Variants in SP4 observed in about 807,000 individuals in gnomAD.
The protein encoded by SP4 is Sp4 transcription factor.
SP4 carries 19 observed loss-of-function variants against 72.8 expected under a neutral mutation model. That is an observed-to-expected ratio of 0.26 (90% CI 0.18 to 0.38). The LOEUF (loss-of-function observed/expected upper bound fraction) is 0.38. SP4 is among the 10% of genes least tolerant of loss of function. The probability of loss-of-function intolerance (pLI) is 1.00; values close to 1 mark genes in which losing one functional copy is unlikely to be tolerated. For synonymous variants in SP4, 395 were observed against 333.1 expected (o/e 1.19, Z -2.02); for missense variants, 1,008 against 926.3 (o/e 1.09, Z -1.14).
intron 5 of SP4, among the ~76,000 whole-genome samples, chr7:21,499,565 C>T (rs1781814604): frequency 6.6e-6 from 1 of 152,182 alleles, no homozygotes; most frequent in Non-Finnish European, 1.5e-5. Context: ...AAGGACTCTT[C>T]TCTAGAGTCC....
At chr7:21,489,536 G>C (rs1679707280) in intron 5 of SP4, among the ~76,000 whole-genome samples, 1 of 143,626 alleles carries the variant, frequency 7.0e-6, no homozygotes, top group Non-Finnish European at 1.5e-5. Context: ...GCCCAGGCTG[G>C]TCTTTTTTTC....
chr7:21,494,784 T>C (rs1229047399), intron 5 of SP4, among the ~76,000 whole-genome samples: 1 of 152,152 alleles, frequency 6.6e-6, no homozygotes, highest in Non-Finnish European at 1.5e-5. Flanking sequence ...GATTCTAAAA[T>C]TATATGAAAG....
At chr7:21,485,319 A>T (rs1330202918) in intron 5 of SP4, among the ~76,000 whole-genome samples, 1 of 151,906 alleles carries the variant, frequency 6.6e-6, no homozygotes, top group African/African-American at 2.4e-5. Flanking sequence ...GAAAATAGTG[A>T]TCTGTTTGCT....
intron 5 of SP4, 129 bp downstream of exon 5, chr7:21,482,252 A>T: frequency 1.5e-6 from 1 of 680,268 alleles, no homozygotes; most frequent in Non-Finnish European, 2.5e-6. Flanking sequence ...TAGCAATTAT[A>T]TGGAAGATGT....
intron 5 of SP4, among the ~76,000 whole-genome samples, chr7:21,502,042 C>G (rs1015090652): frequency 7.2e-5 from 3 of 41,810 alleles, no homozygotes; most frequent in South Asian, 1.4e-3. Flanking sequence ...CATTAGGCAC[C>G]CCCCCCCCCC....
At position 21,430,345 on chromosome 7, in the gene SP4, C is replaced by A. The variant is rs765546188; in HGVS notation, c.1180C>A (p.Gln394Lys). 1.9e-6 allele frequency: 3 copies of A among 1,614,240 alleles called. No individual in the cohort carries two copies. The highest frequency in any genetic ancestry group is 2.5e-6 in the Non-Finnish European group (3 of 1,180,048). Residue 394 changes from glutamine to lysine, a missense_variant, in exon 3 of 6, where the codon CAG becomes AAG. Transcript: ENST00000222584. ...TGCACAGGATCAATCAAATTCTCTTCAGCAGGTGCAAATTGTAGGCCAACC... is the reference window on the plus strand; with the variant it reads ...TGCACAGGATCAATCAAATTCTCTTAAGCAGGTGCAAATTGTAGGCCAACC... ...QNAQDQSNSL[Q>K]QVQIVGQPIL...
At chr7:21,439,494 A>G (rs1051057676) in intron 3 of SP4, among the ~76,000 whole-genome samples, 1 of 143,740 alleles carries the variant, frequency 7.0e-6, no homozygotes, top group Non-Finnish European at 1.5e-5. Context: ...CTCCCCTCAC[A>G]CCCTCCTTTC....
At chr7:21,500,468 G>A (rs1240032434) in intron 5 of SP4, among the ~76,000 whole-genome samples, 1 of 152,184 alleles carries the variant, frequency 6.6e-6, no homozygotes, top group African/African-American at 2.4e-5. Context: ...GCTCTGCTCA[G>A]TTTCTCACAG....
intron 5 of SP4, among the ~76,000 whole-genome samples, chr7:21,490,394 A>G (rs184301889): frequency 2.9e-4 from 44 of 152,328 alleles, no homozygotes; most frequent in Non-Finnish European, 5.9e-4. Context: ...CAGCTTAGGC[A>G]CCAAAAAATC....
chr7:21,428,814 A>T, intron 2 of SP4, 22 bp downstream of exon 2: 1 of 1,533,334 alleles, frequency 6.5e-7, no homozygotes, highest in Non-Finnish European at 8.8e-7. Context: ...CAAATTAAAA[A>T]AATTCATCAC....
intron 3 of SP4, among the ~76,000 whole-genome samples, chr7:21,448,324 A>C (rs1783488545): frequency 6.6e-6 from 1 of 152,218 alleles, no homozygotes; most frequent in South Asian, 2.1e-4. Flanking sequence ...TTAGTAAAGA[A>C]TTTGTGTTTC....
Position 21,488,215 on chromosome 7 carries a change from GA to G in SP4, c.2107+6094del, listed in dbSNP as rs140496430. Among the ~76,000 whole-genome samples the G allele has an allele frequency of 4.4e-3, 671 of 152,234 alleles. 15 individuals carry two copies. The East Asian group carries it at 0.084, about 19-fold the overall frequency. On this transcript the variant is annotated intron_variant, in intron 5 of 5. Transcript: ENST00000222584. The stretch of plus-strand genomic sequence containing the variant: ...CTGGGTGGAACACTGTGTTACACTG[GA>G]AGATGCCTAATTACCAAAATACAAT...
In SP4 at chr7:21,444,201, T is replaced by A. The variant is rs371798957; in HGVS notation, c.1678+13358T>A. ...GTATTGTGCGGCTTGATATGTTCCT[T>A]AGATGATTGAATAACATGGGACTGA... On this transcript the variant is annotated intron_variant, in intron 3 of 5. Transcript: ENST00000222584. Among the ~76,000 whole-genome samples, 11 of 152,302 alleles carry A rather than the reference T, an allele frequency of 7.2e-5. No homozygotes were observed. In the East Asian group the frequency reaches 1.7e-3, roughly 24 times the overall value.
At chr7:21,496,140 T>C (rs936717846) in intron 5 of SP4, among the ~76,000 whole-genome samples, 4 of 152,194 alleles carry the variant, frequency 2.6e-5, no homozygotes, top group Non-Finnish European at 5.9e-5. Flanking sequence ...AAGGAATTTT[T>C]GGAAGTGATA....
At chr7:21,505,492 G>A (rs1283466845) in intron 5 of SP4, among the ~76,000 whole-genome samples, 1 of 152,110 alleles carries the variant, frequency 6.6e-6, no homozygotes, top group African/African-American at 2.4e-5. Context: ...ATACGTTTGG[G>A]GCTTCTGTGA....
At chr7:21,483,519 T>C (rs10241028) in intron 5 of SP4, among the ~76,000 whole-genome samples, 35,745 of 151,802 alleles carry the variant, frequency 0.24, 6,113 homozygotes, top group East Asian at 0.65. Context: ...GATCTTTTAT[T>C]CGCTCAAGAT....
chr7:21,459,877 C>T (rs1783899052), intron 3 of SP4, among the ~76,000 whole-genome samples: 1 of 152,140 alleles, frequency 6.6e-6, no homozygotes, highest in African/African-American at 2.4e-5. Context: ...AAGGTAGAAG[C>T]CTTTGCCTTC....
At chr7:21,478,124 A>C (rs1199147340) in intron 4 of SP4, among the ~76,000 whole-genome samples, 2 of 152,190 alleles carry the variant, frequency 1.3e-5, no homozygotes, top group African/African-American at 4.8e-5. Context: ...AAATGGAATC[A>C]TGGTCTTTTG....
At chr7:21,510,906 G>A (rs1366741997) in intron 5 of SP4, 116 bp from the exon 6 acceptor site, 1 of 940,434 alleles carries the variant, frequency 1.1e-6, no homozygotes, top group Non-Finnish European at 1.6e-6. Context: ...AAAGCATTTT[G>A]CAACTAGTGA....
Sources: gnomAD v4.1 joint callset for allele counts (sites outside exome capture counted in the v4.1 genomes callset) on GRCh38, gnomAD v4.1.1 for gene constraint, MANE v1.5 for transcripts, NCBI Gene and HGNC (gene_info 2026-07-23, HGNC 2026-07-21) for gene names.